Variants in PLXDC1 observed in about 807,000 individuals in gnomAD.
The protein encoded by PLXDC1 is plexin domain containing 1, also known as plexin domain-containing protein 1.
A neutral mutation model predicts 61.3 loss-of-function variants in PLXDC1; 39 were observed. The ratio of observed to expected loss-of-function variants is 0.64; its 90% CI spans 0.49 to 0.83. PLXDC1 has a LOEUF of 0.83. PLXDC1 is among the 40% of genes least tolerant of loss of function. The probability of loss-of-function intolerance (pLI) is 0.00; values close to 1 mark genes in which losing one functional copy is unlikely to be tolerated. For missense variants in PLXDC1, 596 were observed against 666.5 expected (o/e 0.89, Z 1.17); for synonymous variants, 212 against 254.5 (o/e 0.83, Z 1.59).
upstream of PLXDC1, among the ~76,000 whole-genome samples, chr17:39,151,945 G>A (rs2045376562): frequency 6.6e-6 from 1 of 152,112 alleles, no homozygotes; most frequent in Non-Finnish European, 1.5e-5. This position sits in a 1 kb window ranked among gnomAD's most constrained non-coding sequence, Gnocchi z 5.2. Flanking sequence ...CCGAGGACTG[G>A]ACCCCTGGAA....
upstream of PLXDC1, chr17:39,152,816 G>C (rs1240760792): frequency 1.4e-5 from 9 of 647,142 alleles, no homozygotes; most frequent in Admixed American, 3.1e-4. Flanking sequence ...ACCTAAGAAA[G>C]GAAACAACTA....
At chr17:39,090,170 T>C (rs990213892) in intron 7 of PLXDC1, among the ~76,000 whole-genome samples, 2 of 152,174 alleles carry the variant, frequency 1.3e-5, no homozygotes, top group African/African-American at 4.8e-5. Flanking sequence ...TGCGCCCCCG[T>C]GGGTCTGGCA....
chr17:39,152,795 G>GAA, upstream of PLXDC1: 2 of 711,242 alleles, frequency 2.8e-6, no homozygotes, highest in South Asian at 7.3e-5. Context: ...GAAAAGAAAA[G>GAA]AAAAAAAAAC....
At chr17:39,080,926 A>C (rs1469920785) in intron 9 of PLXDC1, 1 of 152,640 alleles carries the variant, frequency 6.6e-6, no homozygotes, top group African/African-American at 2.4e-5. Flanking sequence ...GGTTGTGTTG[A>C]TGGGAGAGTT....
chr17:39,086,718 C>T (rs757180948), intron 8 of PLXDC1, among the ~76,000 whole-genome samples: 1 of 151,746 alleles, frequency 6.6e-6, no homozygotes, highest in Non-Finnish European at 1.5e-5. Context: ...AAAAATTAGC[C>T]GGGCATGGTG....
chr17:39,088,667 A>C (rs62076618), intron 7 of PLXDC1, among the ~76,000 whole-genome samples: 40,439 of 152,102 alleles, frequency 0.27, 6,261 homozygotes, highest in East Asian at 0.43. Flanking sequence ...CCAGCCAGGC[A>C]TGGTGGCTCA....
chr17:39,074,916 CA>C (rs1909266862), intron 11 of PLXDC1, among the ~76,000 whole-genome samples: 1 of 152,136 alleles, frequency 6.6e-6, no homozygotes, highest in Admixed American at 6.6e-5. Context: ...CCCCAAAGGG[CA>C]AAGTTTCTTT....
In PLXDC1 at chr17:39,070,003, G is replaced by T. The variant is rs1909052594; in HGVS notation, c.1236C>A (p.Asn412Lys). 2 of 1,613,922 alleles carry T rather than the reference G, an allele frequency of 1.2e-6. No individual in the cohort carries two copies. The highest frequency in any genetic ancestry group is 1.7e-6 in the Non-Finnish European group (2 of 1,179,808). ...GAGTGCCCTTTGTCTTGGGGGACAGGTTGTTCTGAAGGCCTGTGGAGAGAT... is the reference window on the plus strand; with the variant it reads ...GAGTGCCCTTTGTCTTGGGGGACAGTTTGTTCTGAAGGCCTGTGGAGAGAT... ...PYAGGDGLQN[N>K]LSPKTKGTPV... The change falls in exon 13 of 14, where the codon AAC becomes AAA. Residue 412 changes from asparagine (N) to lysine (K), a missense_variant. Transcript: ENST00000315392.
chr17:39,117,548 T>C (rs1371125833), intron 2 of PLXDC1, among the ~76,000 whole-genome samples: 3 of 150,312 alleles, frequency 2.0e-5, no homozygotes, highest in African/African-American at 7.4e-5. Flanking sequence ...TTGGGCAACA[T>C]AGTGAGACCC....
At chr17:39,106,195 T>C (rs1989956) in intron 6 of PLXDC1, among the ~76,000 whole-genome samples, 140,769 of 151,848 alleles carry the variant, frequency 0.93, 65,434 homozygotes, top group African/African-American at 0.96. Flanking sequence ...ACCCGGGACA[T>C]ACCCTTTTCC....
intron 11 of PLXDC1, 135 bp downstream of exon 11, chr17:39,077,778 C>G: frequency 2.6e-6 from 2 of 767,482 alleles, no homozygotes; most frequent in Non-Finnish European, 4.2e-6. Flanking sequence ...CTTCAGGCCC[C>G]CTTAGCTATA....
chr17:39,134,996 A>G lies in PLXDC1; in HGVS notation c.255+4658T>C, dbSNP rs374884618. Among the ~76,000 whole-genome samples, 6 of 152,280 alleles carry G rather than the reference A, an allele frequency of 3.9e-5. No individual in the cohort carries two copies. The East Asian group carries it at 7.7e-4, about 20-fold the overall frequency. On this transcript the variant is annotated intron_variant, in intron 2 of 13. Coordinates refer to ENST00000315392, the MANE Select transcript of PLXDC1 (RefSeq NM_020405.5). ...AGCCCACAAGAAGTGGGGATCCCCA[A>G]ATCTTTTCCTCGTGAGCTGCTGCTA... is the stretch of plus-strand genomic sequence containing the variant.
At chr17:39,095,212 G>T (rs1188853667) in intron 7 of PLXDC1, among the ~76,000 whole-genome samples, 1 of 151,846 alleles carries the variant, frequency 6.6e-6, no homozygotes, top group East Asian at 1.9e-4. Context: ...GCGGAGTGGG[G>T]GAGGCTGAGT....
chr17:39,106,995 C>T (rs944713972), intron 6 of PLXDC1, among the ~76,000 whole-genome samples: 4 of 152,184 alleles, frequency 2.6e-5, no homozygotes, highest in Non-Finnish European at 5.9e-5. Context: ...GTGCTCTGTC[C>T]TGCCTCAGGA....
chr17:39,130,949 C>T (rs1664435743), intron 2 of PLXDC1, among the ~76,000 whole-genome samples: 1 of 151,970 alleles, frequency 6.6e-6, no homozygotes, highest in African/African-American at 2.4e-5. Flanking sequence ...ACCACCCTGC[C>T]CAAGGAGAAA....
chr17:39,106,652 C>CTTTCT (rs1555571862), intron 6 of PLXDC1, among the ~76,000 whole-genome samples: 2 of 139,876 alleles, frequency 1.4e-5, no homozygotes, highest in African/African-American at 5.5e-5. Flanking sequence ...CTTTTTCTTT[C>CTTTCT]TTTTTTTTTT....
intron 7 of PLXDC1, among the ~76,000 whole-genome samples, chr17:39,093,608 C>T (rs1411512888): frequency 2.0e-5 from 3 of 151,904 alleles, no homozygotes; most frequent in South Asian, 2.1e-4. Flanking sequence ...CCCAGCTACC[C>T]GGGTGGCTGA....
intron 2 of PLXDC1, among the ~76,000 whole-genome samples, chr17:39,125,319 G>C (rs138250637): frequency 4.6e-5 from 7 of 152,362 alleles, no homozygotes; most frequent in African/African-American, 1.7e-4. Context: ...CTGAGGGTCT[G>C]GGGTAGAGAG....
chr17:39,145,696 G>A (rs191961187), intron 1 of PLXDC1, among the ~76,000 whole-genome samples: 75 of 152,212 alleles, frequency 4.9e-4, no homozygotes, highest in Admixed American at 8.5e-4. Flanking sequence ...GAGATACACC[G>A]AACTGGAAAC....
Sources: allele counts gnomAD v4.1 joint callset (sites outside exome capture counted in the v4.1 genomes callset), GRCh38; gene constraint gnomAD v4.1.1; non-coding constraint Gnocchi (gnomAD v3.1); transcripts MANE v1.5; gene names NCBI Gene and HGNC (gene_info 2026-07-23, HGNC 2026-07-21).